RPS6KA5: variants seen among roughly 807,000 people sequenced by gnomAD.
RPS6KA5 encodes ribosomal protein S6 kinase A5, also known as ribosomal protein S6 kinase alpha-5.
In RPS6KA5, 27 loss-of-function variants were observed where a neutral mutation model predicts 85.5. The ratio of observed to expected loss-of-function variants is 0.32; its 90% CI spans 0.23 to 0.44. The LOEUF (loss-of-function observed/expected upper bound fraction) is 0.44, where lower values mean the gene tolerates loss of function less well. Among genes scored for constraint, RPS6KA5 ranks in the 20% least tolerant of loss-of-function variants. The pLI, the probability that RPS6KA5 is intolerant of heterozygous loss-of-function variation, is 1.00. For synonymous variants in RPS6KA5, 334 were observed against 348.2 expected, an observed-to-expected ratio of 0.96 and a Z score of 0.46; for missense variants, 811 against 980.9, an observed-to-expected ratio of 0.83 and a Z score of 2.31.
intron 1 of RPS6KA5, among the ~76,000 whole-genome samples, chr14:91,042,420 A>G (rs1204849132): frequency 6.6e-6 from 1 of 152,158 alleles, no homozygotes; most frequent in Non-Finnish European, 1.5e-5. Context: ...GCTGAGGCAG[A>G]GAATTTCTTA....
At chr14:90,947,351 T>C in intron 4 of RPS6KA5, 84 bp downstream of exon 4, 2 of 742,808 alleles carry the variant, frequency 2.7e-6, no homozygotes, top group Non-Finnish European at 4.7e-6. Flanking sequence ...GACAATAACA[T>C]GTAAAAACAT....
At chr14:90,899,968 C>T (rs1360776037) in intron 11 of RPS6KA5, 140 bp downstream of exon 11, 3 of 543,880 alleles carry the variant, frequency 5.5e-6, no homozygotes, top group Non-Finnish European at 8.8e-6. Context: ...GTATAATGGA[C>T]CAACTGATGA....
At chr14:90,951,866 T>A (rs1277912978) in intron 3 of RPS6KA5, among the ~76,000 whole-genome samples, 1 of 152,206 alleles carries the variant, frequency 6.6e-6, no homozygotes, top group Non-Finnish European at 1.5e-5. Context: ...ATGTCCGGAC[T>A]GCGAGTATGG....
rs933719529 is a variant in RPS6KA5 at position 90,856,819 on chromosome 14, C to T, written c.*15255G>A. On this transcript the variant is annotated 3_prime_UTR_variant, in exon 17 of 17. Transcript: ENST00000614987. The stretch of plus-strand genomic sequence containing the variant: ...CCATCACCTGTATACATTGTCACTC[C>T]CTATTTCCCCCTCCCACCAGCCCCT... The T allele has an allele frequency of 5.7e-5, 9 of 159,120 alleles. No individual in the cohort carries two copies. Among genetic ancestry groups the T allele is most frequent in the Non-Finnish European group, 1.1e-4 (8 of 73,068 alleles). 9.9% of individuals were successfully genotyped at this position (159,120 alleles called of 1,614,324 possible).
chr14:90,914,768 G>A (rs1032738640), intron 7 of RPS6KA5, among the ~76,000 whole-genome samples: 3 of 152,222 alleles, frequency 2.0e-5, no homozygotes, highest in African/African-American at 2.4e-5. Context: ...GAGCTGAGGA[G>A]TATAAGTGCC....
intron 5 of RPS6KA5, among the ~76,000 whole-genome samples, chr14:90,942,304 T>G (rs2037614960): frequency 6.6e-6 from 1 of 152,182 alleles, no homozygotes; most frequent in South Asian, 2.1e-4. Flanking sequence ...AACAAAGTCC[T>G]TCACTACAAA....
rs1401871688 is a variant in RPS6KA5, at chr14:90,894,571, G to A, written c.1486C>T (p.Leu496=). The A allele has an allele frequency of 1.9e-6, 3 of 1,613,978 alleles. No individual in the cohort carries two copies. Among genetic ancestry groups the A allele is most frequent in the Non-Finnish European group, 2.5e-6 (3 of 1,179,910 alleles). Residue 496 remains leucine (L), a synonymous_variant, in exon 13 of 17, where the codon CTA becomes TTA. Coordinates refer to ENST00000614987, the MANE Select transcript of RPS6KA5 (RefSeq NM_004755.4). ...EVFHDQLHTF[L]VMELLNGGEL... ...CCTCCATTCAGAAGTTCCATCACTAGAAACGTGTGAAGCTAGAAAAGAGAA... is the reference window on the plus strand; with the variant it reads ...CCTCCATTCAGAAGTTCCATCACTAAAAACGTGTGAAGCTAGAAAAGAGAA...
intron 1 of RPS6KA5, among the ~76,000 whole-genome samples, chr14:91,056,182 A>G (rs2043309787): frequency 6.6e-6 from 1 of 152,172 alleles, no homozygotes; most frequent in African/African-American, 2.4e-5. Context: ...AACTTCCTCG[A>G]CCTTCTCCTC....
At chr14:91,030,609 C>CAGAAAAAAAAAAAAAAAAAAAAAAAAAA in intron 1 of RPS6KA5, among the ~76,000 whole-genome samples, 1 of 956 alleles carries the variant, frequency 1.0e-3, no homozygotes, top group Non-Finnish European at 2.2e-3. Flanking sequence ...CCAAAATAAA[C>CAGAAAAAAAAAAAAAAAAAAAAAAAAAA]AGAAAAAAAA....
At chr14:90,996,779 AT>A (rs2040541266) in intron 2 of RPS6KA5, among the ~76,000 whole-genome samples, 1 of 152,190 alleles carries the variant, frequency 6.6e-6, no homozygotes, top group Non-Finnish European at 1.5e-5. Flanking sequence ...AACATTGCAA[AT>A]AAGAATAGCA....
intron 1 of RPS6KA5, among the ~76,000 whole-genome samples, chr14:91,021,905 G>C (rs1270169783): frequency 6.6e-6 from 1 of 152,032 alleles, no homozygotes; most frequent in Non-Finnish European, 1.5e-5. Flanking sequence ...AGATCTTATG[G>C]AATCTTAATA....
intron 1 of RPS6KA5, among the ~76,000 whole-genome samples, chr14:91,016,912 A>C (rs1336539764): frequency 6.6e-6 from 1 of 151,872 alleles, no homozygotes; most frequent in Non-Finnish European, 1.5e-5. Flanking sequence ...CTCCTATGTC[A>C]ATGCCCACCA....
At chr14:91,029,864 C>G (rs904326237) in intron 1 of RPS6KA5, among the ~76,000 whole-genome samples, 2 of 152,022 alleles carry the variant, frequency 1.3e-5, no homozygotes, top group Admixed American at 6.5e-5. Flanking sequence ...TTATTGACTT[C>G]CAATTTTAAC....
rs10615964 is a variant in RPS6KA5, at chr14:90,916,679, T to TCA, written c.806+3525_806+3526dup. Among the ~76,000 whole-genome samples the TCA allele has an allele frequency of 1.7e-3, 259 of 150,694 alleles. 1 individual carries two copies. The highest frequency in any genetic ancestry group is 4.2e-3 in the African/African-American group (171 of 41,192). ...TTATCACATTGTTTGTAAATTTCTG[T>TCA]CACACACACACACACACACACAAAA... On this transcript the variant is annotated intron_variant, in intron 7 of 16. Coordinates refer to ENST00000614987, the MANE Select transcript of RPS6KA5 (RefSeq NM_004755.4).
rs1218085545 is a variant in RPS6KA5, at chr14:90,902,841, T to C, written c.1086A>G (p.Ala362=). ...GCTTCTCAGAACTCTGGGGCAGGGC[T>C]GCGGGAGAATAAGTGGGATCCATTT... ...FTEMDPTYSP[A]ALPQSSEKLF... is the part of the protein sequence containing the mutation. Residue 362 remains alanine, a synonymous_variant, in exon 9 of 17, where the codon GCA becomes GCG. Coordinates refer to ENST00000614987, the MANE Select transcript of RPS6KA5 (RefSeq NM_004755.4). 1.2e-6 allele frequency: 2 copies of C among 1,614,084 alleles called. No homozygotes were observed. Among genetic ancestry groups the C allele is most frequent in the Non-Finnish European group, 1.7e-6 (2 of 1,179,962 alleles).
chr14:91,023,693 T>C (rs1729370705), intron 1 of RPS6KA5, among the ~76,000 whole-genome samples: 3 of 152,038 alleles, frequency 2.0e-5, no homozygotes. Flanking sequence ...CAACACAAAG[T>C]TGCTCCAGTG....
chr14:91,022,386 A>G (rs1474688920), intron 1 of RPS6KA5, among the ~76,000 whole-genome samples: 1 of 152,204 alleles, frequency 6.6e-6, no homozygotes, highest in Admixed American at 6.5e-5. Flanking sequence ...CCATGTCTCT[A>G]CCTAGTATGA....
At chr14:90,889,837 A>G (rs549423135) in intron 14 of RPS6KA5, among the ~76,000 whole-genome samples, 2 of 152,316 alleles carry the variant, frequency 1.3e-5, no homozygotes, top group East Asian at 1.9e-4. Flanking sequence ...TCACTTCTCA[A>G]TGTGAAGAAT....
intron 5 of RPS6KA5, among the ~76,000 whole-genome samples, chr14:90,930,277 T>A (rs1482635984): frequency 1.3e-5 from 2 of 152,222 alleles, no homozygotes; most frequent in African/African-American, 4.8e-5. Flanking sequence ...GCTTGGGAAC[T>A]TAGTTATATG....
Sources: gnomAD v4.1 joint callset for allele counts (sites outside exome capture counted in the v4.1 genomes callset) on GRCh38, gnomAD v4.1.1 for gene constraint, MANE v1.5 for transcripts, NCBI Gene and HGNC (gene_info 2026-07-23, HGNC 2026-07-21) for gene names.